SLC44A5: variants seen among roughly 807,000 people sequenced by gnomAD.
The protein encoded by SLC44A5 is choline transporter-like protein 5.
SLC44A5 carries 57 observed loss-of-function variants against 101.8 expected under a neutral mutation model. The observed-to-expected ratio is 0.56, with a 90% CI of 0.45 to 0.70. The LOEUF is 0.70. SLC44A5 is among the 30% of genes least tolerant of loss of function. The pLI is 0.00. For synonymous variants in SLC44A5, 281 were observed against 290.9 expected, an observed-to-expected ratio of 0.97 and a Z score of 0.35; for missense variants, 737 against 853.1, an observed-to-expected ratio of 0.86 and a Z score of 1.70.
At chr1:75,576,867 T>G (rs1673397293) in intron 1 of SLC44A5, among the ~76,000 whole-genome samples, 1 of 152,176 alleles carries the variant, frequency 6.6e-6, no homozygotes, top group Admixed American at 6.5e-5. Flanking sequence ...ACTGTTACTT[T>G]GTTTGCACAA....
intron 2 of SLC44A5, among the ~76,000 whole-genome samples, chr1:75,463,419 C>CAAAAAAAAA (rs34371845): frequency 4.3e-5 from 3 of 70,014 alleles, no homozygotes; most frequent in African/African-American, 1.2e-4. Context: ...GACTCTGTCT[C>CAAAAAAAAA]AAAAAAAAAA....
chr1:75,708,660 G>A, the SLC44A5 span, among the ~76,000 whole-genome samples: 1 of 152,006 alleles, frequency 6.6e-6, no homozygotes, highest in Admixed American at 6.6e-5. Context: ...TGGCAATTAT[G>A]TCTTTATGGG....
chr1:75,219,053 G>A (rs1189859213), intron 16 of SLC44A5, among the ~76,000 whole-genome samples: 1 of 152,044 alleles, frequency 6.6e-6, no homozygotes, highest in Non-Finnish European at 1.5e-5. Context: ...GGCAAGCTCA[G>A]GAAATACAGT....
At chr1:75,689,528 C>T in the SLC44A5 span, among the ~76,000 whole-genome samples, 4 of 152,242 alleles carry the variant, frequency 2.6e-5, no homozygotes, top group Non-Finnish European at 5.9e-5. Context: ...TTGTACGAGG[C>T]CCTAACAAGA....
At chr1:75,222,710 A>G (rs1316864764) in intron 13 of SLC44A5, among the ~76,000 whole-genome samples, 1 of 152,232 alleles carries the variant, frequency 6.6e-6, no homozygotes, top group Non-Finnish European at 1.5e-5. Flanking sequence ...CATCCATAAA[A>G]GCATTTCACA....
At position 75,337,448 on chromosome 1, in the gene SLC44A5, G is replaced by A. The variant is rs374359941; in HGVS notation, c.101+2134C>T. Among the ~76,000 whole-genome samples, 8 of 152,290 alleles carry A rather than the reference G, an allele frequency of 5.3e-5. No homozygotes were observed. In the South Asian group the frequency reaches 1.2e-3, roughly 24 times the overall value. On this transcript the variant is annotated intron_variant, in intron 4 of 23. Coordinates refer to ENST00000370859, the MANE Select transcript of SLC44A5 (RefSeq NM_001130058.2). ...CATTATGAGATGAATTTCTCATGTA[G>A]CATCTTATCGGAGAGCTTTCATTTC...
At chr1:75,655,160 A>C in the SLC44A5 span, among the ~76,000 whole-genome samples, 1 of 152,174 alleles carries the variant, frequency 6.6e-6, no homozygotes, top group African/African-American at 2.4e-5. Context: ...TGGGGATTTA[A>C]ATGACTAATG....
chr1:75,455,436 A>G (rs1411633535), intron 2 of SLC44A5, among the ~76,000 whole-genome samples: 2 of 152,102 alleles, frequency 1.3e-5, no homozygotes, highest in Non-Finnish European at 2.9e-5. Context: ...AGACAAAACA[A>G]TTCTGGACAT....
intron 1 of SLC44A5, among the ~76,000 whole-genome samples, chr1:75,581,187 A>T (rs1673677642): frequency 6.6e-6 from 1 of 152,242 alleles, no homozygotes; most frequent in Admixed American, 6.5e-5. Flanking sequence ...TTTCATTACC[A>T]AGAGTATCAA....
Position 75,431,750 on chromosome 1 carries a change from G to C in SLC44A5, c.14-35129C>G, listed in dbSNP as rs563378857. ...AATATACAAGGTTTTTGACGACATA[G>C]CAAAAACTAAGCAATAAAAACAATC... is the stretch of plus-strand genomic sequence containing the variant. On this transcript the variant is annotated intron_variant, in intron 2 of 23. Coordinates refer to ENST00000370859, the MANE Select transcript of SLC44A5 (RefSeq NM_001130058.2). Among the ~76,000 whole-genome samples the C allele has an allele frequency of 6.5e-4, 99 of 152,186 alleles. 1 individual carries two copies. In the South Asian group the frequency reaches 0.02, roughly 30 times the overall value.
At chr1:75,678,124 C>T in the SLC44A5 span, among the ~76,000 whole-genome samples, 1 of 152,172 alleles carries the variant, frequency 6.6e-6, no homozygotes, top group Non-Finnish European at 1.5e-5. Context: ...CCCACGGAGT[C>T]TCACTGATTG....
intron 2 of SLC44A5, among the ~76,000 whole-genome samples, chr1:75,493,800 C>T (rs1241739046): frequency 6.6e-6 from 1 of 152,166 alleles, no homozygotes; most frequent in Non-Finnish European, 1.5e-5. Context: ...ACCAAATAAA[C>T]AACTACACAT....
At chr1:75,682,526 T>G in the SLC44A5 span, among the ~76,000 whole-genome samples, 5 of 149,984 alleles carry the variant, frequency 3.3e-5, no homozygotes, top group South Asian at 2.1e-4. Flanking sequence ...ATTTAATAAA[T>G]GGTGCTGAGA....
chr1:75,491,128 T>C (rs533668580), intron 2 of SLC44A5, among the ~76,000 whole-genome samples: 1 of 152,280 alleles, frequency 6.6e-6, no homozygotes, highest in Admixed American at 6.5e-5. Flanking sequence ...TCAGGGTTTG[T>C]GACCTAACCC....
rs995741255 is a variant in SLC44A5, at chr1:75,327,808, T to C, written c.101+11774A>G. 3.3e-5 allele frequency among the ~76,000 whole-genome samples: 5 copies of C among 152,226 alleles called. No individual in the cohort carries two copies. In the South Asian group the frequency reaches 1.0e-3, roughly 32 times the overall value. On this transcript the variant is annotated intron_variant, in intron 4 of 23. Coordinates refer to ENST00000370859, the MANE Select transcript of SLC44A5 (RefSeq NM_001130058.2). ...ATGACCTTGGTATGGAAATCCTGCA[T>C]AGTCATTACATTAAGAAAGGCATGT...
At chr1:75,576,439 G>A (rs184046714) in intron 1 of SLC44A5, among the ~76,000 whole-genome samples, 279 of 151,778 alleles carry the variant, frequency 1.8e-3, no homozygotes, top group African/African-American at 6.1e-3. Flanking sequence ...CTCAGCCTCC[G>A]AGTAGCTGGG....
chr1:75,236,476 T>G (rs913320991), intron 11 of SLC44A5, among the ~76,000 whole-genome samples: 3 of 152,052 alleles, frequency 2.0e-5, no homozygotes, highest in African/African-American at 4.8e-5. Context: ...TATATATTTA[T>G]GTATCGCATA....
intron 2 of SLC44A5, among the ~76,000 whole-genome samples, chr1:75,463,588 T>C (rs1222539300): frequency 6.6e-6 from 1 of 152,034 alleles, no homozygotes; most frequent in Non-Finnish European, 1.5e-5. Flanking sequence ...ATTTTTACCC[T>C]AGAATAGTAT....
At chr1:75,708,215 C>T in the SLC44A5 span, among the ~76,000 whole-genome samples, 1 of 130,348 alleles carries the variant, frequency 7.7e-6, no homozygotes, top group Non-Finnish European at 1.7e-5. Flanking sequence ...AGTTTGAGAC[C>T]AGCCTGGCAA....
Sources: allele counts gnomAD v4.1 joint callset (sites outside exome capture counted in the v4.1 genomes callset), GRCh38; gene constraint gnomAD v4.1.1; transcripts MANE v1.5; gene names NCBI Gene and HGNC (gene_info 2026-07-23, HGNC 2026-07-21).